Variants in EXD3 observed in about 807,000 individuals in gnomAD.
The protein encoded by EXD3 is exonuclease 3'-5' domain containing 3.
In EXD3, 92 loss-of-function variants were observed where a neutral mutation model predicts 98.0. The ratio of observed to expected loss-of-function variants is 0.94; its 90% CI spans 0.79 to 1.12. The LOEUF (loss-of-function observed/expected upper bound fraction) is 1.12, where lower values mean the gene tolerates loss of function less well. Among genes scored for constraint, EXD3 ranks in the 50% most tolerant of loss-of-function variants. The pLI is 0.00. For synonymous variants in EXD3, 569 were observed against 526.0 expected (o/e 1.08, Z -1.12); for missense variants, 1,222 against 1,191.6 (o/e 1.03, Z -0.38).
chr9:137,404,368 A>G (rs1347847411), intron 1 of EXD3, among the ~76,000 whole-genome samples: 1 of 152,202 alleles, frequency 6.6e-6, no homozygotes, highest in African/African-American at 2.4e-5. Context: ...CGCCTTCATG[A>G]AAGAGGCGTG....
At chr9:137,318,643 C>T (rs554347864) in intron 19 of EXD3, among the ~76,000 whole-genome samples, 1 of 152,246 alleles carries the variant, frequency 6.6e-6, no homozygotes, top group East Asian at 1.9e-4. Flanking sequence ...GAGGGCACGG[C>T]CCTGCCCTCT....
At chr9:137,326,028 G>C (rs1418396295) in intron 17 of EXD3, among the ~76,000 whole-genome samples, 3 of 150,546 alleles carry the variant, frequency 2.0e-5, no homozygotes, top group Admixed American at 6.7e-5. Context: ...GCAGTGGGCC[G>C]TGTTTGCGCC....
Position 137,396,419 on chromosome 9 carries a change from T to C in EXD3, c.-47-1015A>G, listed in dbSNP as rs929994333. 3.9e-4 allele frequency among the ~76,000 whole-genome samples: 60 copies of C among 152,228 alleles called. 2 individuals carry two copies. Among genetic ancestry groups the C allele is most frequent in the South Asian group, 6.2e-4 (3 of 4,832 alleles). ...CACAGCAGTTACACAAAGCTCAGCA[T>C]GTGAACTCCGAATCCTAACACAGGC... On this transcript the variant is annotated intron_variant, in intron 1 of 21. Transcript: ENST00000340951.
chr9:137,361,671 G>A (rs951381268), intron 7 of EXD3, among the ~76,000 whole-genome samples: 5 of 150,942 alleles, frequency 3.3e-5, no homozygotes, highest in East Asian at 2.0e-4. Flanking sequence ...ACTTGAACCC[G>A]GGAGGCGGAG....
chr9:137,375,881 G>A (rs912769986), intron 3 of EXD3, among the ~76,000 whole-genome samples: 10 of 152,212 alleles, frequency 6.6e-5, no homozygotes, highest in African/African-American at 2.4e-4. Flanking sequence ...AAGCCACCAT[G>A]AGTGACACCC....
chr9:137,310,857 G>C (rs768350367), intron 19 of EXD3, among the ~76,000 whole-genome samples: 1 of 152,186 alleles, frequency 6.6e-6, no homozygotes, highest in Non-Finnish European at 1.5e-5. Context: ...CATCTGTGCA[G>C]GGGAGCAGGG....
intron 17 of EXD3, among the ~76,000 whole-genome samples, chr9:137,339,804 T>G (rs554525626): frequency 5.6e-4 from 85 of 152,318 alleles, no homozygotes; most frequent in Admixed American, 1.1e-3. Context: ...TACTTCATGT[T>G]AAAACATTCC....
intron 17 of EXD3, among the ~76,000 whole-genome samples, chr9:137,328,861 GCTACACGGGA>G (rs1272076723): frequency 1.0e-4 from 4 of 39,296 alleles, no homozygotes; most frequent in African/African-American, 5.3e-4. Context: ...GCTACACGGG[GCTACACGGGA>G]CTACACGGGA....
intron 19 of EXD3, among the ~76,000 whole-genome samples, chr9:137,311,636 C>G (rs1831367333): frequency 6.6e-6 from 1 of 152,220 alleles, no homozygotes; most frequent in Non-Finnish European, 1.5e-5. Context: ...TTTCCCACGG[C>G]TGCTGCCCGC....
chr9:137,409,309 A>G (rs1837883118), intron 1 of EXD3, among the ~76,000 whole-genome samples: 1 of 152,264 alleles, frequency 6.6e-6, no homozygotes, highest in South Asian at 2.1e-4. Context: ...GAATCCCGCC[A>G]GCATGAACGC....
At chr9:137,396,148 A>C (rs1215408820) in intron 1 of EXD3, among the ~76,000 whole-genome samples, 1 of 151,624 alleles carries the variant, frequency 6.6e-6, no homozygotes, top group Non-Finnish European at 1.5e-5. Flanking sequence ...TTGTATTTTT[A>C]GTGGAGATGG....
At chr9:137,378,064 A>T (rs553150258) in intron 3 of EXD3, among the ~76,000 whole-genome samples, 1 of 152,120 alleles carries the variant, frequency 6.6e-6, no homozygotes, top group East Asian at 1.9e-4. Context: ...AAGTGCTGGG[A>T]TTACAGGCAT....
At position 137,385,082 on chromosome 9, in the gene EXD3, A is replaced by C. The variant is rs1274359479; in HGVS notation, c.56-1705T>G. Among the ~76,000 whole-genome samples the C allele has an allele frequency of 6.6e-6, 1 of 152,072 alleles. No homozygotes were observed. Among genetic ancestry groups the C allele is most frequent in the Non-Finnish European group, 1.5e-5 (1 of 68,008 alleles). ...ACTCCAGCCTGGGCAACAGAGCGAG[A>C]CTCCGTCTCAGACAAAAACCAAAAA... On this transcript the variant is annotated intron_variant, in intron 2 of 21. Coordinates refer to ENST00000340951, the MANE Select transcript of EXD3 (RefSeq NM_017820.5). This position sits in a 1 kb window ranked among gnomAD's most constrained non-coding sequence, Gnocchi z 4.4.
At chr9:137,418,328 C>A (rs1000949955) in intron 1 of EXD3, among the ~76,000 whole-genome samples, 1 of 152,152 alleles carries the variant, frequency 6.6e-6, no homozygotes, top group Admixed American at 6.5e-5. Context: ...CCAGCCTGGG[C>A]GACAAGAGCG....
chr9:137,355,586 GAGAAAGGGCGGAAGGAGAA>G (rs1834664934), intron 8 of EXD3, among the ~76,000 whole-genome samples: 1 of 69,194 alleles, frequency 1.4e-5, no homozygotes, highest in Non-Finnish European at 2.6e-5. Context: ...AAGGAGGAAG[GAGAAAGGGCGGAAGGAGAA>G]AGGAGGAAGG....
At chr9:137,398,388 C>A (rs1297366603) in intron 1 of EXD3, among the ~76,000 whole-genome samples, 1 of 152,202 alleles carries the variant, frequency 6.6e-6, no homozygotes, top group Non-Finnish European at 1.5e-5. Flanking sequence ...GTCCCCTGTG[C>A]TCCCCGAAGT....
At chr9:137,354,894 G>T in intron 8 of EXD3, 121 bp from the exon 9 acceptor site, 1 of 967,668 alleles carries the variant, frequency 1.0e-6, no homozygotes, top group Non-Finnish European at 1.5e-6. Context: ...CTCCACCTCT[G>T]CCCCGGAGCC....
At chr9:137,356,071 C>CA (rs537049763) in intron 8 of EXD3, among the ~76,000 whole-genome samples, 197 bp downstream of exon 8, 2 of 152,326 alleles carry the variant, frequency 1.3e-5, no homozygotes, top group Non-Finnish European at 2.9e-5. Flanking sequence ...GTTGGCTGCT[C>CA]AGTCGCAGGG....
At position 137,323,832 on chromosome 9, in the gene EXD3, G is replaced by A. The variant is rs1420308836; in HGVS notation, c.2077C>T (p.Arg693Cys). 4.3e-6 allele frequency: 7 copies of A among 1,611,724 alleles called. No individual in the cohort carries two copies. The highest frequency in any genetic ancestry group is 4.2e-6 in the Non-Finnish European group (5 of 1,179,672). The change falls in exon 19 of 22, where the codon CGC (arginine) becomes TGC (cysteine). Residue 693 changes from arginine (R) to cysteine (C), a missense_variant. Coordinates refer to ENST00000340951, the MANE Select transcript of EXD3 (RefSeq NM_017820.5). Reference protein sequence around the residue: ...HKLRAQVGAGRCLSVDCSLKA... With the variant: ...HKLRAQVGAGCCLSVDCSLKA... The stretch of plus-strand genomic sequence containing the variant: ...AGGGAGCAGTCGACCGAGAGGCAGC[G>A]CCCAGCCCCGACCTGGGCCCGGAGC...
Sources: allele counts gnomAD v4.1 joint callset (sites outside exome capture counted in the v4.1 genomes callset), GRCh38; gene constraint gnomAD v4.1.1; non-coding constraint Gnocchi (gnomAD v3.1); transcripts MANE v1.5; gene names NCBI Gene and HGNC (gene_info 2026-07-23, HGNC 2026-07-21).